DOCK3: variants seen among roughly 807,000 people sequenced by gnomAD.
The protein encoded by DOCK3 is dedicator of cytokinesis 3.
A neutral mutation model predicts 265.6 loss-of-function variants in DOCK3; 60 were observed. The ratio of observed to expected loss-of-function variants is 0.23; its 90% CI spans 0.18 to 0.28. The LOEUF (loss-of-function observed/expected upper bound fraction) is 0.28. DOCK3 is among the 10% of genes least tolerant of loss of function. The pLI is 1.00. For missense variants in DOCK3, 1,981 were observed against 2,594.3 expected, an observed-to-expected ratio of 0.76 and a Z score of 5.14; for synonymous variants, 881 against 938.0, an observed-to-expected ratio of 0.94 and a Z score of 1.11.
At chr3:51,055,725 G>A (rs2081174919) in intron 5 of DOCK3, among the ~76,000 whole-genome samples, 1 of 151,076 alleles carries the variant, frequency 6.6e-6, no homozygotes. Context: ...GATGACTTCA[G>A]CAACTACAGC....
chr3:51,173,522 T>A (rs998357641), intron 12 of DOCK3, among the ~76,000 whole-genome samples: 1 of 152,268 alleles, frequency 6.6e-6, no homozygotes, highest in Admixed American at 6.5e-5. Context: ...AGGTCTAGTG[T>A]TGATGAGCCT....
intron 12 of DOCK3, among the ~76,000 whole-genome samples, chr3:51,167,856 A>G (rs1018451108): frequency 1.1e-4 from 16 of 152,010 alleles, no homozygotes; most frequent in African/African-American, 3.6e-4. Context: ...TAGGCTTTTT[A>G]TATGTATATA....
intron 4 of DOCK3, among the ~76,000 whole-genome samples, chr3:50,927,636 G>T (rs926076858): frequency 4.6e-5 from 7 of 152,188 alleles, no homozygotes; most frequent in Admixed American, 3.9e-4. Context: ...ATTGACTGTA[G>T]CTGCTACCAA....
At chr3:50,922,335 G>A (rs2050525580) in intron 4 of DOCK3, among the ~76,000 whole-genome samples, 1 of 152,214 alleles carries the variant, frequency 6.6e-6, no homozygotes, top group African/African-American at 2.4e-5. Flanking sequence ...GAGGCTCCGT[G>A]GGTGTAGGAC....
At chr3:51,074,887 A>G (rs2082002526) in intron 6 of DOCK3, among the ~76,000 whole-genome samples, 1 of 152,164 alleles carries the variant, frequency 6.6e-6, no homozygotes, top group African/African-American at 2.4e-5. Flanking sequence ...ATAAAGAGAA[A>G]AAGATACATC....
chr3:50,912,398 C>T (rs1415259187), intron 4 of DOCK3, among the ~76,000 whole-genome samples: 4 of 152,216 alleles, frequency 2.6e-5, no homozygotes, highest in South Asian at 4.1e-4. Context: ...CCTGAAGCTT[C>T]ATGGCACTGA....
intron 9 of DOCK3, among the ~76,000 whole-genome samples, chr3:51,138,965 G>A (rs1003191186): frequency 1.3e-5 from 2 of 152,066 alleles, no homozygotes; most frequent in African/African-American, 4.8e-5. Context: ...CAATAAAAGT[G>A]TATTTTCTTG....
At chr3:51,202,085 T>C (rs964742995) in intron 12 of DOCK3, among the ~76,000 whole-genome samples, 1 of 150,902 alleles carries the variant, frequency 6.6e-6, no homozygotes, top group Non-Finnish European at 1.5e-5. Context: ...GATCCAAAAT[T>C]GACACCCTAA....
At chr3:50,744,840 C>T (rs2039320224) in intron 1 of DOCK3, among the ~76,000 whole-genome samples, 1 of 152,162 alleles carries the variant, frequency 6.6e-6, no homozygotes, top group Non-Finnish European at 1.5e-5. Flanking sequence ...TCTGCCCTTT[C>T]CCCATTTAAT....
At chr3:50,742,249 A>C (rs1247373315) in intron 1 of DOCK3, among the ~76,000 whole-genome samples, 6 of 152,134 alleles carry the variant, frequency 3.9e-5, no homozygotes, top group Non-Finnish European at 8.8e-5. Context: ...ATGGGGAAAA[A>C]ACAGAGCAGA....
At chr3:51,157,512 C>T (rs1004476642) in intron 10 of DOCK3, among the ~76,000 whole-genome samples, 1 of 152,206 alleles carries the variant, frequency 6.6e-6, no homozygotes, top group Non-Finnish European at 1.5e-5. Context: ...TCCCAGAGTG[C>T]TGGGATTACA....
At position 51,354,148 on chromosome 3, in the gene DOCK3, G is replaced by A. The variant is rs143825088; in HGVS notation, c.4108-734G>A. Among the ~76,000 whole-genome samples the A allele has an allele frequency of 4.4e-4, 67 of 152,164 alleles. 2 individuals are homozygous for A. The East Asian group carries it at 0.012, about 28-fold the overall frequency. ...ATAAACAGTTACTGAATACCTACTGGGCACTGGGCAACATTAGACTGTTTC... is the reference window on the plus strand; with the variant it reads ...ATAAACAGTTACTGAATACCTACTGAGCACTGGGCAACATTAGACTGTTTC... On this transcript the variant is annotated intron_variant, in intron 40 of 52. Coordinates refer to ENST00000266037, the MANE Select transcript of DOCK3 (RefSeq NM_004947.5).
chr3:51,068,155 T>G (rs906374373), intron 6 of DOCK3, among the ~76,000 whole-genome samples: 1 of 152,220 alleles, frequency 6.6e-6, no homozygotes, highest in African/African-American at 2.4e-5. Context: ...TTTCAGAAAC[T>G]AGTAATTGTT....
At chr3:50,680,454 T>G (rs1333338285) in intron 1 of DOCK3, among the ~76,000 whole-genome samples, 1 of 151,056 alleles carries the variant, frequency 6.6e-6, no homozygotes, top group Non-Finnish European at 1.5e-5. Context: ...CCTCAAGTGA[T>G]CTGCCCGTCT....
rs866696597 is a variant in DOCK3 at position 51,125,134 on chromosome 3, A to C, written c.747-21415A>C. On this transcript the variant is annotated intron_variant, in intron 9 of 52. Transcript: ENST00000266037. ...GAGACTCCATTTCAAATATAAATAA[A>C]TAAATAGCCATACTTTTTTTATATT... 3.2e-4 allele frequency among the ~76,000 whole-genome samples: 49 copies of C among 152,302 alleles called. 1 individual carries two copies. The highest frequency in any genetic ancestry group is 3.4e-3 in the Middle Eastern group (1 of 294).
At chr3:50,977,964 G>A (rs983389078) in intron 5 of DOCK3, among the ~76,000 whole-genome samples, 28 of 152,006 alleles carry the variant, frequency 1.8e-4, no homozygotes, top group African/African-American at 5.1e-4. Context: ...CATTCTTCCC[G>A]TTGTTCTCGA....
intron 49 of DOCK3, among the ~76,000 whole-genome samples, chr3:51,372,964 G>A (rs2087806276): frequency 6.6e-6 from 1 of 152,198 alleles, no homozygotes; most frequent in Admixed American, 6.5e-5. Context: ...TCATATTTTA[G>A]TCATTCTCTT....
chr3:50,821,753 C>T (rs1245848734), intron 2 of DOCK3, among the ~76,000 whole-genome samples: 1 of 152,124 alleles, frequency 6.6e-6, no homozygotes, highest in Non-Finnish European at 1.5e-5. Flanking sequence ...AATAGGGAGT[C>T]CTTTCCCCAT....
rs138309799 is a variant in DOCK3 at position 51,278,168 on chromosome 3, A to G, written c.2823+414A>G. 10 of 985,440 alleles carry G rather than the reference A, an allele frequency of 1.0e-5. No individual in the cohort carries two copies. The East Asian group carries it at 7.9e-4, about 78-fold the overall frequency. The allele number at this position is 985,440 out of a possible 1,614,324, so 61.0% of individuals were successfully genotyped here. Reference sequence around the variant, plus strand: ...AATAATTTTCTCAGAATTGGCTTCTATCTACAAATTAGTTGCTTTTGTCCA... The same window carrying G: ...AATAATTTTCTCAGAATTGGCTTCTGTCTACAAATTAGTTGCTTTTGTCCA... On this transcript the variant is annotated intron_variant, in intron 26 of 52. Transcript: ENST00000266037.
Sources: allele counts gnomAD v4.1 joint callset (sites outside exome capture counted in the v4.1 genomes callset), GRCh38; gene constraint gnomAD v4.1.1; transcripts MANE v1.5; gene names NCBI Gene and HGNC (gene_info 2026-07-23, HGNC 2026-07-21).